ERMAP: variants seen among roughly 807,000 people sequenced by gnomAD.
ERMAP encodes the protein erythroid membrane-associated protein.
ERMAP carries 34 observed loss-of-function variants against 49.5 expected under a neutral mutation model. That is an observed-to-expected ratio of 0.69 (90% CI 0.52 to 0.91). The LOEUF (loss-of-function observed/expected upper bound fraction) is 0.91, where lower values mean the gene tolerates loss of function less well. Among genes scored for constraint, ERMAP ranks in the 40% least tolerant of loss-of-function variants. ERMAP has a pLI of 0.00. For synonymous variants in ERMAP, 214 were observed against 232.2 expected, an observed-to-expected ratio of 0.92 and a Z score of 0.71; for missense variants, 541 against 582.6, an observed-to-expected ratio of 0.93 and a Z score of 0.74.
chr1:42,818,023 C>T (rs1161202845), intron 1 of ERMAP, among the ~76,000 whole-genome samples: 1 of 152,234 alleles, frequency 6.6e-6, no homozygotes, highest in Non-Finnish European at 1.5e-5. Flanking sequence ...CCGGGTCACA[C>T]AGCTTCTAAG....
chr1:42,825,619 C>G lies in ERMAP; in HGVS notation c.-121-4C>G. On this transcript the variant is annotated splice_polypyrimidine_tract_variant and splice_region_variant and intron_variant, in intron 1 of 11. Transcript: ENST00000372517. ...TATGAACTTTTCCCGGCCCACATCC[C>G]TAGGCCTTCCTGATGCGCTTGCCTG... The G allele has an allele frequency of 7.8e-7, 1 of 1,288,026 alleles. No individual in the cohort carries two copies. The highest frequency in any genetic ancestry group is 1.0e-6 in the Non-Finnish European group (1 of 988,458). 79.8% of individuals were successfully genotyped at this position (1,288,026 alleles called of 1,614,324 possible).
chr1:42,823,665 A>G (rs1344163185), intron 1 of ERMAP, among the ~76,000 whole-genome samples: 1 of 152,122 alleles, frequency 6.6e-6, no homozygotes, highest in Non-Finnish European at 1.5e-5. Context: ...TCAGCTCACA[A>G]CTCAATCACT....
rs1654845826 is a variant in ERMAP, at chr1:42,834,850, C to G, written c.434-188C>G. The stretch of plus-strand genomic sequence containing the variant: ...TATTACAGGCGTGAGCCACCGTTCC[C>G]AGCCTCAGTTATCTTTAATGCTATC... On this transcript the variant is annotated intron_variant, in intron 4 of 11. Coordinates refer to ENST00000372517, the MANE Select transcript of ERMAP (RefSeq NM_001017922.2). The G allele has an allele frequency of 1.1e-5, 6 of 544,584 alleles. No individual in the cohort carries two copies. In the East Asian group the frequency reaches 1.8e-4, roughly 17 times the overall value. The allele number at this position is 544,584 out of a possible 1,614,324, so 33.7% of individuals were successfully genotyped here. A position where few individuals can be genotyped will look rare whatever the true frequency, so the allele number is the denominator to read the frequency against.
intron 11 of ERMAP, among the ~76,000 whole-genome samples, chr1:42,840,813 C>T (rs1015962055): frequency 6.6e-6 from 1 of 152,128 alleles, no homozygotes; most frequent in African/African-American, 2.4e-5. Flanking sequence ...TTTGGGAAGT[C>T]CTTCCTATCC....
At chr1:42,829,290 G>C (rs1417288215) in intron 2 of ERMAP, among the ~76,000 whole-genome samples, 1 of 152,222 alleles carries the variant, frequency 6.6e-6, no homozygotes, top group Non-Finnish European at 1.5e-5. Flanking sequence ...AAATGAGAAT[G>C]TGTTCAACGC....
Position 42,838,919 on chromosome 1 carries a change from T to C in ERMAP, c.635T>C (p.Val212Ala). The change falls in exon 8 of 12, where the codon GTC (valine) becomes GCC (alanine). Residue 212 changes from valine (V) to alanine (A), a missense_variant and splice_region_variant. Coordinates refer to ENST00000372517, the MANE Select transcript of ERMAP (RefSeq NM_001017922.2). ...TTTTTAGGAAAACTCCATAAAGCTG[T>C]CAGTAAGTTTTGCTCCTCATCCATG... Reference protein sequence around the residue: ...AKEKGKLHKAVKKLRSELKLK... With the variant: ...AKEKGKLHKAAKKLRSELKLK... 1 of 1,614,212 alleles carries C rather than the reference T, an allele frequency of 6.2e-7. No homozygotes were observed. The highest frequency in any genetic ancestry group is 8.5e-7 in the Non-Finnish European group (1 of 1,180,026).
chr1:42,824,811 G>A (rs1458500219), intron 1 of ERMAP: 3 of 152,232 alleles, frequency 2.0e-5, no homozygotes, highest in African/African-American at 7.2e-5. Context: ...TCTCCGAGGT[G>A]TTAGCTTTGG....
intron 4 of ERMAP, among the ~76,000 whole-genome samples, chr1:42,833,031 T>C (rs1458821003): frequency 1.3e-5 from 2 of 152,208 alleles, no homozygotes; most frequent in Admixed American, 6.5e-5. Flanking sequence ...CTCTTCCAAA[T>C]AGCAGTGTCT....
At chr1:42,831,568 T>TC (rs1234648113) in intron 4 of ERMAP, among the ~76,000 whole-genome samples, 2 of 26,222 alleles carry the variant, frequency 7.6e-5, no homozygotes, top group Admixed American at 5.2e-4. Context: ...TTTTTTTTTT[T>TC]TTTTCTCTTT....
chr1:42,839,912 G>C, intron 8 of ERMAP, 121 bp from the exon 9 acceptor site: 2 of 1,003,134 alleles, frequency 2.0e-6, no homozygotes, highest in Non-Finnish European at 3.1e-6. Flanking sequence ...TTCTGGGGAA[G>C]TTCCAGGGTA....
Position 42,819,866 on chromosome 1 carries a change from AC to A in ERMAP, c.-122+2615del, listed in dbSNP as rs1451204820. ...CACAGCTCTTGTCCTAGGATTAGGG[AC>A]CTAACCACATTCTGGGGATTCTCTT... On this transcript the variant is annotated intron_variant, in intron 1 of 11. Coordinates refer to ENST00000372517, the MANE Select transcript of ERMAP (RefSeq NM_001017922.2). The surrounding 1 kb of genome is among the most constrained non-coding windows in gnomAD (Gnocchi z 5.1). Among the ~76,000 whole-genome samples, 4 of 151,806 alleles carry A rather than the reference AC, an allele frequency of 2.6e-5. No homozygotes were observed. In the East Asian group the frequency reaches 7.8e-4, roughly 29 times the overall value.
intron 2 of ERMAP, among the ~76,000 whole-genome samples, chr1:42,828,491 T>TAA (rs71065195): frequency 2.4e-4 from 35 of 144,718 alleles, no homozygotes; most frequent in African/African-American, 9.6e-4. Context: ...ATTCTTTTTT[T>TAA]AAAAAAATTT....
At chr1:42,838,848 G>A in intron 7 of ERMAP, 53 bp from the exon 8 acceptor site, 2 of 1,610,230 alleles carry the variant, frequency 1.2e-6, no homozygotes, top group Non-Finnish European at 1.7e-6. Flanking sequence ...CAGCTCTGAG[G>A]AAAAAGAGGC....
chr1:42,831,364 T>C (rs910767129), intron 4 of ERMAP, among the ~76,000 whole-genome samples: 1 of 152,146 alleles, frequency 6.6e-6, no homozygotes, highest in Non-Finnish European at 1.5e-5. Context: ...CCTGGTTAAA[T>C]AGGGCTTGGA....
chr1:42,842,520 C>T lies in ERMAP; in HGVS notation c.716C>T (p.Ala239Val), dbSNP rs1168086438. 6.2e-7 allele frequency: 1 copy of T among 1,610,800 alleles called. No individual in the cohort carries two copies. Among genetic ancestry groups the T allele is most frequent in the Non-Finnish European group, 8.5e-7 (1 of 1,178,140 alleles). ...ACCTGTCTGTGTCTCTTTGCAGTGG[C>T]AGTGACCCTGGACCCAGACACAGCA... ...GWRRARLHFV[A>V]VTLDPDTAHP... The change falls in exon 12 of 12, where the codon GCA (alanine) becomes GTA (valine). Residue 239 changes from alanine to valine, a missense_variant. Ala to Val is a moderately conservative substitution (Grantham distance 64). Coordinates refer to ENST00000372517, the MANE Select transcript of ERMAP (RefSeq NM_001017922.2).
intron 1 of ERMAP, among the ~76,000 whole-genome samples, chr1:42,818,213 C>T (rs1654300028): frequency 6.6e-6 from 1 of 152,168 alleles, no homozygotes; most frequent in Non-Finnish European, 1.5e-5. Context: ...AACTGTAAAT[C>T]GTTAACAGCC....
At chr1:42,840,096 C>G in intron 9 of ERMAP, 43 bp downstream of exon 9, 2 of 1,614,172 alleles carry the variant, frequency 1.2e-6, no homozygotes, top group Non-Finnish European at 1.7e-6. Context: ...CAACTTATCT[C>G]CTGTTGCCCT....
Position 42,842,983 on chromosome 1 carries a change from T to C in ERMAP, c.1179T>C (p.Pro393=). The C allele has an allele frequency of 6.2e-7, 1 of 1,614,214 alleles. No individual in the cohort carries two copies. The highest frequency in any genetic ancestry group is 8.5e-7 in the Non-Finnish European group (1 of 1,180,036). The change falls in exon 12 of 12, where the codon CCT becomes CCC. Residue 393 remains proline, a synonymous_variant. Coordinates refer to ENST00000372517, the MANE Select transcript of ERMAP (RefSeq NM_001017922.2). The part of the protein sequence containing the change: ...FTHNFSGPLR[P]FFEPCLHDGG... ...ACAATTTCTCTGGCCCCCTTCGCCC[T>C]TTCTTTGAACCTTGCCTTCATGATG... is the stretch of plus-strand genomic sequence containing the variant.
At chr1:42,818,678 C>T (rs1654317072) in intron 1 of ERMAP, among the ~76,000 whole-genome samples, 2 of 152,024 alleles carry the variant, frequency 1.3e-5, no homozygotes, top group African/African-American at 4.8e-5. Flanking sequence ...ACTGTGTTTC[C>T]CAGGGTGATC....
Sources: gnomAD v4.1 joint callset for allele counts (sites outside exome capture counted in the v4.1 genomes callset) on GRCh38, gnomAD v4.1.1 for gene constraint, Gnocchi (gnomAD v3.1) non-coding constraint, MANE v1.5 for transcripts, NCBI Gene and HGNC (gene_info 2026-07-23, HGNC 2026-07-21) for gene names.